RBFOX1: variants seen among roughly 807,000 people sequenced by gnomAD.
RBFOX1 encodes the protein RNA binding protein fox-1 homolog 1.
A neutral mutation model predicts 57.7 loss-of-function variants in RBFOX1; 8 were observed. That is an observed-to-expected ratio of 0.14 (90% CI 0.08 to 0.25). The LOEUF (loss-of-function observed/expected upper bound fraction) is 0.25, where lower values mean the gene tolerates loss of function less well. RBFOX1 is among the 10% of genes least tolerant of loss of function. RBFOX1 has a pLI of 1.00. For synonymous variants in RBFOX1, 326 were observed against 222.4 expected, an observed-to-expected ratio of 1.47 and a Z score of -4.15; for missense variants, 611 against 548.5, an observed-to-expected ratio of 1.11 and a Z score of -1.14.
chr16:7,555,473 G>T (rs2088074810), intron 5 of RBFOX1, among the ~76,000 whole-genome samples: 1 of 152,152 alleles, frequency 6.6e-6, no homozygotes, highest in East Asian at 1.9e-4. Context: ...GATATAAGAG[G>T]ACCCTGTGTA....
At chr16:7,416,745 C>T (rs1308299805) in intron 4 of RBFOX1, among the ~76,000 whole-genome samples, 8 of 151,912 alleles carry the variant, frequency 5.3e-5, no homozygotes, top group Admixed American at 1.3e-4. Context: ...TTTCTTTCCA[C>T]ATATATGTGG....
At chr16:6,986,863 A>G (rs537701558) in intron 3 of RBFOX1, among the ~76,000 whole-genome samples, 2 of 152,282 alleles carry the variant, frequency 1.3e-5, no homozygotes, top group South Asian at 2.1e-4. Flanking sequence ...TTATAATCCC[A>G]TCTTAGAATC....
chr16:6,658,127 C>G (rs902813157), intron 3 of RBFOX1, among the ~76,000 whole-genome samples: 3 of 152,108 alleles, frequency 2.0e-5, no homozygotes, highest in African/African-American at 7.2e-5. Flanking sequence ...CATTCCCATT[C>G]TCTTCCTTTC....
intron 1 of RBFOX1, among the ~76,000 whole-genome samples, chr16:5,246,365 G>T (rs1567231042): frequency 6.6e-6 from 1 of 152,154 alleles, no homozygotes; most frequent in Non-Finnish European, 1.5e-5. Context: ...GTACAAGAGG[G>T]TATACAACAT....
chr16:6,898,929 GTGTA>G (rs934705345), intron 3 of RBFOX1, among the ~76,000 whole-genome samples: 10 of 151,348 alleles, frequency 6.6e-5, no homozygotes, highest in African/African-American at 1.7e-4. Flanking sequence ...GTGTATATGT[GTGTA>G]TGTGTGTATA....
chr16:7,405,028 G>C (rs145498474), intron 4 of RBFOX1, among the ~76,000 whole-genome samples: 1 of 152,172 alleles, frequency 6.6e-6, no homozygotes, highest in South Asian at 2.1e-4. Context: ...TATTATTTCG[G>C]TTACGGTAAT....
At position 6,351,514 on chromosome 16, in the gene RBFOX1, C is replaced by T. The variant is rs142206848; in HGVS notation, c.-64+34457C>T. 1.2e-3 allele frequency among the ~76,000 whole-genome samples: 184 copies of T among 151,632 alleles called. 2 individuals carry two copies. The East Asian group carries it at 0.021, about 17-fold the overall frequency. ...TCAGCCTCCCAAGCAGCTGGGACTACAGGCACCTGCCACCCTGCCCAGCTA... is the reference window on the plus strand; with the variant it reads ...TCAGCCTCCCAAGCAGCTGGGACTATAGGCACCTGCCACCCTGCCCAGCTA... On this transcript the variant is annotated intron_variant, in intron 2 of 15. Transcript: ENST00000550418.
At chr16:7,046,252 G>T (rs1197697322) in intron 3 of RBFOX1, among the ~76,000 whole-genome samples, 1 of 151,504 alleles carries the variant, frequency 6.6e-6, no homozygotes, top group Non-Finnish European at 1.5e-5. Flanking sequence ...GTGTGTGTGT[G>T]TGTGTGTGTG....
At chr16:5,893,463 A>C (rs2152152725) in intron 4 of RBFOX1, among the ~76,000 whole-genome samples, 1 of 152,316 alleles carries the variant, frequency 6.6e-6, no homozygotes. Context: ...GAGGTAATGG[A>C]GACCCCATTT....
intron 3 of RBFOX1, among the ~76,000 whole-genome samples, chr16:5,624,881 G>C (rs1287059010): frequency 1.3e-5 from 2 of 152,170 alleles, no homozygotes; most frequent in East Asian, 3.9e-4. Flanking sequence ...GAGAGGGGCT[G>C]TTTGACCACT....
At position 5,706,483 on chromosome 16, in the gene RBFOX1, A is replaced by G. The variant is rs185107274; in HGVS notation, c.318+107522A>G. Reference sequence around the variant, plus strand: ...ATGCTGGGTGAGTCATGATGCAGAGAGGGTTGAAAACACGTCCTGGGTGGG... The same window carrying G: ...ATGCTGGGTGAGTCATGATGCAGAGGGGGTTGAAAACACGTCCTGGGTGGG... On this transcript the variant is annotated intron_variant, in intron 3 of 19. Transcript: ENST00000641259. 1.6e-3 allele frequency among the ~76,000 whole-genome samples: 241 copies of G among 152,258 alleles called. 2 individuals are homozygous for G. Among genetic ancestry groups the G allele is most frequent in the African/African-American group, 5.5e-3 (229 of 41,550 alleles).
chr16:6,839,492 T>G lies in RBFOX1; in HGVS notation c.-16+184842T>G, dbSNP rs868006893. On this transcript the variant is annotated intron_variant, in intron 3 of 15. Transcript: ENST00000550418. ...AGCTCTGGGCACAAATAGGTTTCTTTTATTATGGACAGAAAGGCCAAGTGA... is the reference window on the plus strand; with the variant it reads ...AGCTCTGGGCACAAATAGGTTTCTTGTATTATGGACAGAAAGGCCAAGTGA... Among the ~76,000 whole-genome samples the G allele has an allele frequency of 2.6e-5, 4 of 152,168 alleles. No individual in the cohort carries two copies. In the South Asian group the frequency reaches 6.2e-4, roughly 24 times the overall value.
intron 1 of RBFOX1, among the ~76,000 whole-genome samples, chr16:6,023,787 T>C (rs926086040): frequency 2.0e-5 from 3 of 152,174 alleles, no homozygotes; most frequent in Admixed American, 6.6e-5. Context: ...ACCCACAGTG[T>C]CGTGCCGGAG....
chr16:6,790,329 C>T (rs964146216), intron 3 of RBFOX1, among the ~76,000 whole-genome samples: 1 of 151,880 alleles, frequency 6.6e-6, no homozygotes, highest in Non-Finnish European at 1.5e-5. Flanking sequence ...GTATTACAGG[C>T]ACCCGCCACC....
At chr16:5,467,366 C>T (rs2068986462) in intron 2 of RBFOX1, 1 of 1,027,484 alleles carries the variant, frequency 9.7e-7, no homozygotes, top group Non-Finnish European at 1.4e-6. Flanking sequence ...GGGCAGACAT[C>T]TGTAATCAAC....
At chr16:7,095,907 G>C (rs1235048860) in intron 4 of RBFOX1, among the ~76,000 whole-genome samples, 3 of 151,646 alleles carry the variant, frequency 2.0e-5, no homozygotes, top group Non-Finnish European at 4.4e-5. Context: ...CAGCTACTTG[G>C]GAGGCTGAGG....
At chr16:6,575,495 A>G (rs1430893999) in intron 2 of RBFOX1, among the ~76,000 whole-genome samples, 1 of 152,186 alleles carries the variant, frequency 6.6e-6, no homozygotes, top group Non-Finnish European at 1.5e-5. Context: ...CTGATCTTCT[A>G]AATAAAGACC....
intron 3 of RBFOX1, among the ~76,000 whole-genome samples, chr16:6,720,435 C>G (rs2065753247): frequency 6.6e-6 from 1 of 152,120 alleles, no homozygotes; most frequent in African/African-American, 2.4e-5. Flanking sequence ...TACCCACTCT[C>G]AGGTAGTTCT....
intron 2 of RBFOX1, among the ~76,000 whole-genome samples, chr16:6,389,191 G>T (rs2092464643): frequency 6.6e-6 from 1 of 152,164 alleles, no homozygotes; most frequent in Admixed American, 6.5e-5. Flanking sequence ...GATTCAGAGG[G>T]AGAATTTCTT....
Sources: allele counts gnomAD v4.1 joint callset (sites outside exome capture counted in the v4.1 genomes callset), GRCh38; gene constraint gnomAD v4.1.1; transcripts MANE v1.5; gene names NCBI Gene and HGNC (gene_info 2026-07-23, HGNC 2026-07-21).